BAG3: variants seen among roughly 807,000 people sequenced by gnomAD.
BAG3 encodes BAG cochaperone 3, also known as BAG family molecular chaperone regulator 3.
BAG3 carries 14 observed loss-of-function variants against 40.5 expected under a neutral mutation model. That is an observed-to-expected ratio of 0.35 (90% confidence interval 0.23 to 0.54). The LOEUF (loss-of-function observed/expected upper bound fraction) is 0.54, where lower values mean the gene tolerates loss of function less well. Ranked by LOEUF, BAG3 falls within the 20% of genes least tolerant of loss-of-function variation. The probability of loss-of-function intolerance (pLI) is 0.91; values close to 1 mark genes in which losing one functional copy is unlikely to be tolerated. For missense variants in BAG3, 788 were observed against 758.6 expected (o/e 1.04, Z -0.46); for synonymous variants, 302 against 307.8 (o/e 0.98, Z 0.20).
At chr10:119,657,364 C>G (rs1180454341) in intron 1 of BAG3, 2 of 343,426 alleles carry the variant, frequency 5.8e-6, no homozygotes, top group Admixed American at 3.8e-5. Flanking sequence ...TTTGCTTAAG[C>G]TCTGCACTTT....
Position 119,674,370 on chromosome 10 carries a change from A to G in BAG3, c.909+1714A>G, listed in dbSNP as rs77116325. Among the ~76,000 whole-genome samples the G allele has an allele frequency of 4.0e-3, 608 of 152,312 alleles. 1 individual carries two copies. The highest frequency in any genetic ancestry group is 0.026 in the East Asian group (135 of 5,190). On this transcript the variant is annotated intron_variant, in intron 3 of 3. Transcript: ENST00000369085. ...GGTTCAGCAATCCTAGGAGGGTCCC[A>G]TTTGTAGAGAGAGGGATATTTTCTC...
At chr10:119,667,993 A>G (rs980539507) in intron 1 of BAG3, among the ~76,000 whole-genome samples, 5 of 152,258 alleles carry the variant, frequency 3.3e-5, no homozygotes, top group African/African-American at 1.2e-4. Flanking sequence ...GCTCCCTGTC[A>G]GGGCCATCTC....
intron 1 of BAG3, among the ~76,000 whole-genome samples, chr10:119,668,077 C>G (rs535133908): frequency 6.6e-6 from 1 of 152,328 alleles, no homozygotes; most frequent in South Asian, 2.1e-4. Context: ...GTTAAGCAGG[C>G]TAATGTAATG....
chr10:119,661,122 T>G (rs1846986050), intron 1 of BAG3, among the ~76,000 whole-genome samples: 1 of 151,862 alleles, frequency 6.6e-6, no homozygotes, highest in Non-Finnish European at 1.5e-5. Flanking sequence ...TAGCTGGGCG[T>G]GGTGGCAGGT....
chr10:119,663,458 C>T (rs989833542), intron 1 of BAG3, among the ~76,000 whole-genome samples: 2 of 152,100 alleles, frequency 1.3e-5, no homozygotes, highest in African/African-American at 4.8e-5. Flanking sequence ...CCCACCGCCA[C>T]GGCCAGCTAA....
intron 3 of BAG3, among the ~76,000 whole-genome samples, chr10:119,673,559 G>A (rs1847180806): frequency 6.6e-6 from 1 of 152,186 alleles, no homozygotes; most frequent in Admixed American, 6.5e-5. Context: ...AGCAGCCCTG[G>A]GCCCCCTGTG....
At chr10:119,675,694 C>T (rs1187179703) in intron 3 of BAG3, among the ~76,000 whole-genome samples, 1 of 152,082 alleles carries the variant, frequency 6.6e-6, no homozygotes, top group African/African-American at 2.4e-5. Flanking sequence ...ACTCAGGACT[C>T]TGCTCTGAGT....
At position 119,665,092 on chromosome 10, in the gene BAG3, T is replaced by TTGTGTGTGTG. The variant is rs1554876557; in HGVS notation, c.181-4733_181-4724dup. Among the ~76,000 whole-genome samples, 15 of 88,004 alleles carry TTGTGTGTGTG rather than the reference T, an allele frequency of 1.7e-4. No individual in the cohort carries two copies. In the South Asian group the frequency reaches 2.6e-3, roughly 15 times the overall value. 57.7% of individuals were successfully genotyped at this position (88,004 alleles called of 152,430 possible). The stretch of plus-strand genomic sequence containing the variant: ...GCCACCACACACAGCTAATTTTTGT[T>TTGTGTGTGTG]TGTGTGTGTGTGTGTGTGTGTGTGT... On this transcript the variant is annotated intron_variant, in intron 1 of 3. Transcript: ENST00000369085.
rs943608402 is a variant in BAG3 at position 119,677,339 on chromosome 10, T to C, written c.*57T>C. 1.1e-5 allele frequency: 18 copies of C among 1,603,902 alleles called. No homozygotes were observed. Among genetic ancestry groups the C allele is most frequent in the East Asian group, 2.2e-5 (1 of 44,652 alleles). On this transcript the variant is annotated 3_prime_UTR_variant, in exon 4 of 4. Coordinates refer to ENST00000369085, the MANE Select transcript of BAG3 (RefSeq NM_004281.4). The stretch of plus-strand genomic sequence containing the variant: ...GATGTGTGCTTTAGGGAATTTTAAG[T>C]TGCATGCATTTCAGAGACTTTAAGT...
chr10:119,669,843 T>C lies in BAG3; in HGVS notation c.181-8T>C, dbSNP rs758106127. The C allele has an allele frequency of 6.2e-7, 1 of 1,613,758 alleles. No homozygotes were observed. The highest frequency in any genetic ancestry group is 2.2e-5 in the East Asian group (1 of 44,886). On this transcript the variant is annotated splice_region_variant and splice_polypyrimidine_tract_variant and intron_variant, in intron 1 of 3. Transcript: ENST00000369085. ...AACCAGCCTGTGTTTCTCCACTTTTTATTTCAGGAGACTCCATCCTCTGCC... is the reference window on the plus strand; with the variant it reads ...AACCAGCCTGTGTTTCTCCACTTTTCATTTCAGGAGACTCCATCCTCTGCC...
chr10:119,675,824 CCCCCTT>C (rs1392424787), intron 3 of BAG3, among the ~76,000 whole-genome samples: 2 of 45,494 alleles, frequency 4.4e-5, no homozygotes, highest in Non-Finnish European at 9.1e-5. Flanking sequence ...CTGCTTCCTT[CCCCCTT>C]CCCCCTTCCC....
chr10:119,658,602 G>A (rs746673472), intron 1 of BAG3, among the ~76,000 whole-genome samples: 15 of 152,162 alleles, frequency 9.9e-5, no homozygotes, highest in Non-Finnish European at 2.1e-4. Flanking sequence ...ATTTTACCCC[G>A]GGAGATGAAG....
At chr10:119,675,823 T>TC (rs1330273255) in intron 3 of BAG3, among the ~76,000 whole-genome samples, 11 of 36,978 alleles carry the variant, frequency 3.0e-4, no homozygotes, top group African/African-American at 5.0e-4. Context: ...CCTGCTTCCT[T>TC]CCCCCTTCCC....
intron 3 of BAG3, among the ~76,000 whole-genome samples, chr10:119,675,753 T>TCCCTCCTTCCC (rs1564775812): frequency 3.0e-5 from 2 of 66,672 alleles, no homozygotes; most frequent in South Asian, 5.7e-4. Context: ...TTTTCCTTCT[T>TCCCTCCTTCCC]TCCTTCCTTC....
Position 119,669,955 on chromosome 10 carries a change from C to T in BAG3, c.285C>T (p.Pro95=), listed in dbSNP as rs2134063295. The change falls in exon 2 of 4, where the codon CCC becomes CCT. Residue 95 remains proline (P), a synonymous_variant. Transcript: ENST00000369085. ...CCCAGCTCCGACCAGGCTACATTCC[C>T]ATTCCTGTGCTCCATGAAGGCGCTG... The part of the protein sequence containing the change: ...VYPQLRPGYI[P]IPVLHEGAEN... 1.2e-6 allele frequency: 2 copies of T among 1,614,266 alleles called. No homozygotes were observed. The highest frequency in any genetic ancestry group is 8.5e-7 in the Non-Finnish European group (1 of 1,180,042).
intron 2 of BAG3, among the ~76,000 whole-genome samples, chr10:119,670,745 C>G (rs1847138894): frequency 6.6e-6 from 1 of 152,186 alleles, no homozygotes; most frequent in Non-Finnish European, 1.5e-5. Flanking sequence ...GCATTTTAAT[C>G]CTGAAGCCAA....
chr10:119,656,378 CTTTTT>C (rs34602155), intron 1 of BAG3, among the ~76,000 whole-genome samples: 1 of 126,876 alleles, frequency 7.9e-6, no homozygotes, highest in Non-Finnish European at 1.6e-5. Context: ...AGCTGGCCTT[CTTTTT>C]TTTTTTTTTT....
intron 1 of BAG3, among the ~76,000 whole-genome samples, chr10:119,662,226 G>GTTTTTTTTTTTT (rs869230141): frequency 5.1e-4 from 43 of 84,088 alleles, no homozygotes; most frequent in East Asian, 5.3e-4. Flanking sequence ...TTTTTTTTTT[G>GTTTTTTTTTTTT]TTTTTTTTTT....
At chr10:119,662,851 A>T (rs1847011207) in intron 1 of BAG3, among the ~76,000 whole-genome samples, 1 of 152,176 alleles carries the variant, frequency 6.6e-6, no homozygotes, top group Non-Finnish European at 1.5e-5. Context: ...CGTCTCTACT[A>T]AAAACACACA....
Sources: allele counts gnomAD v4.1 joint callset (sites outside exome capture counted in the v4.1 genomes callset), GRCh38; gene constraint gnomAD v4.1.1; transcripts MANE v1.5; gene names NCBI Gene and HGNC (gene_info 2026-07-23, HGNC 2026-07-21).